The following CCSER1 variants were observed in gnomAD, a reference collection of about 807,000 sequenced individuals.
CCSER1 encodes the protein serine-rich coiled-coil domain-containing protein 1.
In CCSER1, 41 loss-of-function variants were observed where a neutral mutation model predicts 82.0. The observed-to-expected ratio is 0.50, with a 90% CI of 0.39 to 0.65. The LOEUF (loss-of-function observed/expected upper bound fraction) is 0.65. Among genes scored for constraint, CCSER1 ranks in the 30% least tolerant of loss-of-function variants. The pLI, the probability that CCSER1 is intolerant of heterozygous loss-of-function variation, is 0.00. For missense variants in CCSER1, 1,119 were observed against 1,064.2 expected, an observed-to-expected ratio of 1.05 and a Z score of -0.72; for synonymous variants, 414 against 383.9, an observed-to-expected ratio of 1.08 and a Z score of -0.92.
chr4:91,020,292 A>G (rs1234155295), intron 9 of CCSER1, among the ~76,000 whole-genome samples: 1 of 152,194 alleles, frequency 6.6e-6, no homozygotes, highest in Non-Finnish European at 1.5e-5. Context: ...TTATTTCTTG[A>G]ATGATATGTT....
chr4:91,088,610 C>T (rs1355963813), intron 10 of CCSER1, among the ~76,000 whole-genome samples: 1 of 152,102 alleles, frequency 6.6e-6, no homozygotes, highest in Non-Finnish European at 1.5e-5. Context: ...TATGAAATAA[C>T]CCCATTTATA....
chr4:90,402,093 G>A (rs1218413982), intron 4 of CCSER1, among the ~76,000 whole-genome samples: 25 of 152,146 alleles, frequency 1.6e-4, no homozygotes, highest in Admixed American at 9.2e-4. Context: ...GGAATTATTG[G>A]AATGGGTGGA....
chr4:91,294,372 C>T (rs765887200), intron 10 of CCSER1, among the ~76,000 whole-genome samples: 1 of 151,866 alleles, frequency 6.6e-6, no homozygotes, highest in Non-Finnish European at 1.5e-5. Context: ...GTTATTTAAT[C>T]TTCCTGATAG....
chr4:90,705,514 A>T (rs1739158470), intron 6 of CCSER1, among the ~76,000 whole-genome samples: 1 of 152,164 alleles, frequency 6.6e-6, no homozygotes, highest in Non-Finnish European at 1.5e-5. Flanking sequence ...AGACAGGGAC[A>T]TTTATGTCTG....
intron 3 of CCSER1, among the ~76,000 whole-genome samples, chr4:90,334,442 C>T (rs1360455163): frequency 6.6e-6 from 1 of 151,694 alleles, no homozygotes; most frequent in Non-Finnish European, 1.5e-5. Flanking sequence ...AAATACTTTA[C>T]ATAAAAAAAG....
chr4:90,778,862 A>C (rs1753337901), intron 7 of CCSER1, among the ~76,000 whole-genome samples: 2 of 152,204 alleles, frequency 1.3e-5, no homozygotes, highest in Non-Finnish European at 2.9e-5. Context: ...AGATGTGTTG[A>C]TAACTTGGTA....
At chr4:90,861,457 C>T (rs558498907) in intron 8 of CCSER1, among the ~76,000 whole-genome samples, 47 of 151,840 alleles carry the variant, frequency 3.1e-4, no homozygotes, top group Non-Finnish European at 1.5e-5. Flanking sequence ...ATTTAAATAA[C>T]TGAGAGGTTA....
intron 7 of CCSER1, among the ~76,000 whole-genome samples, chr4:90,772,642 G>T (rs1752352751): frequency 6.6e-6 from 1 of 152,122 alleles, no homozygotes. Context: ...TTTGAGTTCT[G>T]TTGTAGCAGA....
At chr4:91,128,480 G>A (rs1178928471) in intron 10 of CCSER1, among the ~76,000 whole-genome samples, 1 of 152,004 alleles carries the variant, frequency 6.6e-6, no homozygotes, top group Non-Finnish European at 1.5e-5. Context: ...TAATCTAGTG[G>A]TCTGATTGGA....
intron 7 of CCSER1, among the ~76,000 whole-genome samples, chr4:90,763,930 T>A (rs752124070): frequency 9.2e-5 from 14 of 152,210 alleles, no homozygotes; most frequent in Non-Finnish European, 1.6e-4. Context: ...TCCTCTGCAT[T>A]AGCTTTTAAA....
chr4:90,655,335 G>C (rs1365269057), intron 6 of CCSER1, among the ~76,000 whole-genome samples: 1 of 151,992 alleles, frequency 6.6e-6, no homozygotes, highest in Non-Finnish European at 1.5e-5. Flanking sequence ...AAAAATTTCT[G>C]TAGCACATTT....
At chr4:90,878,422 C>T (rs1720698363) in intron 8 of CCSER1, among the ~76,000 whole-genome samples, 1 of 152,126 alleles carries the variant, frequency 6.6e-6, no homozygotes, top group Non-Finnish European at 1.5e-5. Flanking sequence ...TATTTGGGTA[C>T]AGAGTGCAAG....
chr4:90,674,808 T>A (rs965246386), intron 6 of CCSER1, among the ~76,000 whole-genome samples: 4 of 151,766 alleles, frequency 2.6e-5, no homozygotes, highest in Non-Finnish European at 5.9e-5. Context: ...GTGGTACTGG[T>A]TTTTATAAGT....
chr4:90,501,242 G>T (rs950295771), intron 5 of CCSER1, among the ~76,000 whole-genome samples: 7 of 152,056 alleles, frequency 4.6e-5, no homozygotes, highest in Non-Finnish European at 1.0e-4. Flanking sequence ...AAAGATAAAA[G>T]ATTTCATAGT....
chr4:91,148,974 A>G (rs1729839930), intron 10 of CCSER1, among the ~76,000 whole-genome samples: 1 of 151,792 alleles, frequency 6.6e-6, no homozygotes, highest in Admixed American at 6.6e-5. Context: ...TAGCAGCATG[A>G]TTTATAATCC....
chr4:90,765,276 T>G lies in CCSER1; in HGVS notation c.2010+41285T>G, dbSNP rs76846128. ...ATGGCTTCTTAAATGGGCTTTGATCTCCTTAAAGGATTCTGAATTACTGCA... is the reference window on the plus strand; with the variant it reads ...ATGGCTTCTTAAATGGGCTTTGATCGCCTTAAAGGATTCTGAATTACTGCA... On this transcript the variant is annotated intron_variant, in intron 7 of 10. Transcript: ENST00000509176. Among the ~76,000 whole-genome samples, 1,477 of 152,272 alleles carry G rather than the reference T, an allele frequency of 9.7e-3. 25 individuals are homozygous for G. Among genetic ancestry groups the G allele is most frequent in the African/African-American group, 0.033 (1,386 of 41,546 alleles).
intron 9 of CCSER1, among the ~76,000 whole-genome samples, chr4:90,958,485 G>A (rs1169321610): frequency 6.6e-6 from 1 of 150,392 alleles, no homozygotes; most frequent in African/African-American, 2.5e-5. Flanking sequence ...TTGAGTTTAT[G>A]GTAAAACATT....
intron 6 of CCSER1, among the ~76,000 whole-genome samples, chr4:90,689,378 A>C (rs1735403147): frequency 1.3e-5 from 2 of 152,154 alleles, no homozygotes; most frequent in African/African-American, 2.4e-5. Flanking sequence ...TGTGTAAAAA[A>C]CAATTCTTTA....
At chr4:91,097,074 C>T (rs926080084) in intron 10 of CCSER1, among the ~76,000 whole-genome samples, 5 of 152,128 alleles carry the variant, frequency 3.3e-5, no homozygotes, top group East Asian at 1.9e-4. Flanking sequence ...AGTGTCCAGC[C>T]GGTGCCTGTG....
Sources: allele counts gnomAD v4.1 joint callset (sites outside exome capture counted in the v4.1 genomes callset), GRCh38; gene constraint gnomAD v4.1.1; transcripts MANE v1.5; gene names NCBI Gene and HGNC (gene_info 2026-07-23, HGNC 2026-07-21).